TENM3: variants seen among roughly 807,000 people sequenced by gnomAD.
TENM3 encodes the protein teneurin transmembrane protein 3.
A neutral mutation model predicts 255.1 loss-of-function variants in TENM3; 63 were observed. The ratio of observed to expected loss-of-function variants is 0.25; its 90% CI spans 0.20 to 0.30. TENM3 has a LOEUF of 0.30. Ranked by LOEUF, TENM3 falls within the 10% of genes least tolerant of loss-of-function variation. The pLI is 1.00. For synonymous variants in TENM3, 1,306 were observed against 1,322.3 expected, an observed-to-expected ratio of 0.99 and a Z score of 0.27; for missense variants, 2,929 against 3,461.1, an observed-to-expected ratio of 0.85 and a Z score of 3.86.
chr4:182,053,137 T>C, the TENM3 span, among the ~76,000 whole-genome samples: 75 of 152,220 alleles, frequency 4.9e-4, 1 homozygote, highest in African/African-American at 1.7e-3. Context: ...GTATTTTCTA[T>C]GACCAGATGA....
At chr4:181,986,930 C>T in the TENM3 span, among the ~76,000 whole-genome samples, 1 of 152,232 alleles carries the variant, frequency 6.6e-6, no homozygotes, top group Non-Finnish European at 1.5e-5. Context: ...AACAGTACTT[C>T]TGGAGCAATG....
chr4:182,161,686 C>A (rs1299490574), intron 1 of TENM3, among the ~76,000 whole-genome samples: 1 of 109,730 alleles, frequency 9.1e-6, no homozygotes, highest in Non-Finnish European at 1.8e-5. Context: ...TATATATATA[C>A]ACAAATATAT....
At chr4:182,373,597 G>A (rs1447110308) in intron 3 of TENM3, among the ~76,000 whole-genome samples, 2 of 152,042 alleles carry the variant, frequency 1.3e-5, no homozygotes, top group South Asian at 2.1e-4. Flanking sequence ...CCAAGGTGAT[G>A]TCACCAAGCC....
chr4:181,476,221 T>TGAC, the TENM3 span, among the ~76,000 whole-genome samples: 1 of 144,940 alleles, frequency 6.9e-6, no homozygotes, highest in African/African-American at 2.5e-5. Flanking sequence ...TTTTTTTTTT[T>TGAC]TTTGACATTG....
intron 13 of TENM3, among the ~76,000 whole-genome samples, chr4:182,719,506 C>T (rs1027797789): frequency 8.6e-5 from 13 of 151,680 alleles, no homozygotes; most frequent in Non-Finnish European, 1.8e-4. Context: ...TGATCCGCCC[C>T]CCTCGGCCTC....
chr4:182,274,916 C>T (rs189369693), intron 1 of TENM3, among the ~76,000 whole-genome samples: 13 of 152,152 alleles, frequency 8.5e-5, no homozygotes, highest in Admixed American at 4.6e-4. Flanking sequence ...CTCTGCCTCC[C>T]GGGTTCAAGC....
intron 1 of TENM3, among the ~76,000 whole-genome samples, chr4:182,150,336 G>A (rs1750255565): frequency 6.6e-6 from 1 of 152,028 alleles, no homozygotes; most frequent in South Asian, 2.1e-4. Context: ...GTAGCAGGGT[G>A]TGTGACAGGA....
At chr4:182,135,155 G>A in the TENM3 span, among the ~76,000 whole-genome samples, 11 of 128,936 alleles carry the variant, frequency 8.5e-5, no homozygotes, top group Non-Finnish European at 1.5e-4. Flanking sequence ...GCAGTGAGCC[G>A]AGATCACACC....
At chr4:181,932,132 C>A in the TENM3 span, among the ~76,000 whole-genome samples, 389 of 152,138 alleles carry the variant, frequency 2.6e-3, 3 homozygotes, top group Middle Eastern at 0.017. Flanking sequence ...ACTAAAACAC[C>A]AAAAGCAATG....
At chr4:182,499,867 A>G (rs986491816) in intron 3 of TENM3, among the ~76,000 whole-genome samples, 2 of 152,162 alleles carry the variant, frequency 1.3e-5, no homozygotes, top group African/African-American at 4.8e-5. Context: ...ACATTTACAG[A>G]CTATAATAAT....
At chr4:181,945,012 C>T in the TENM3 span, among the ~76,000 whole-genome samples, 2 of 152,078 alleles carry the variant, frequency 1.3e-5, no homozygotes, top group South Asian at 4.1e-4. Context: ...ATATTGCAAA[C>T]TGTGAAGAAA....
intron 1 of TENM3, among the ~76,000 whole-genome samples, chr4:182,296,042 C>T (rs1309632085): frequency 6.6e-6 from 1 of 152,154 alleles, no homozygotes; most frequent in Non-Finnish European, 1.5e-5. Flanking sequence ...GCCTCCACCT[C>T]CTGGGTTCAA....
chr4:181,891,573 T>G, the TENM3 span, among the ~76,000 whole-genome samples: 2 of 152,194 alleles, frequency 1.3e-5, no homozygotes, highest in Non-Finnish European at 2.9e-5. Context: ...TTCTCAGACT[T>G]TCTACTCTTG....
intron 3 of TENM3, among the ~76,000 whole-genome samples, chr4:182,412,194 C>A (rs1276098221): frequency 6.6e-6 from 1 of 152,098 alleles, no homozygotes; most frequent in Non-Finnish European, 1.5e-5. Context: ...AGCCTCCCAG[C>A]CAAGACTTGA....
intron 1 of TENM3, among the ~76,000 whole-genome samples, chr4:182,177,119 A>C (rs1752544255): frequency 6.6e-6 from 1 of 151,960 alleles, no homozygotes; most frequent in African/African-American, 2.4e-5. Flanking sequence ...CCACATGGGG[A>C]CCCGCACGGA....
At chr4:182,273,235 G>C (rs1759762871) in intron 1 of TENM3, among the ~76,000 whole-genome samples, 1 of 152,228 alleles carries the variant, frequency 6.6e-6, no homozygotes, top group African/African-American at 2.4e-5. Context: ...AGAGGGAGGT[G>C]CTGTCAAGCA....
At chr4:181,756,815 G>A in the TENM3 span, among the ~76,000 whole-genome samples, 1 of 152,218 alleles carries the variant, frequency 6.6e-6, no homozygotes, top group East Asian at 1.9e-4. Context: ...GCTCAGGACT[G>A]CCTAGCTCCT....
intron 6 of TENM3, among the ~76,000 whole-genome samples, chr4:182,657,847 G>A (rs1753883056): frequency 6.6e-6 from 1 of 152,036 alleles, no homozygotes; most frequent in Non-Finnish European, 1.5e-5. Context: ...TTTGTAGACA[G>A]TGTTCCACCG....
intron 12 of TENM3, chr4:182,698,060 T>C (rs1757563560): frequency 6.6e-6 from 1 of 152,178 alleles, no homozygotes; most frequent in Non-Finnish European, 1.5e-5. Context: ...TCCGCTTCCT[T>C]GCAGCCAGCA....
Sources: allele counts gnomAD v4.1 joint callset (sites outside exome capture counted in the v4.1 genomes callset), GRCh38; gene constraint gnomAD v4.1.1; transcripts MANE v1.5; gene names NCBI Gene and HGNC (gene_info 2026-07-23, HGNC 2026-07-21).